RUFY1: variants seen among roughly 807,000 people sequenced by gnomAD.
The protein encoded by RUFY1 is RUN and FYVE domain containing 1, also known as RUN and FYVE domain-containing protein 1.
Under a neutral mutation model 94.6 loss-of-function variants are expected in RUFY1, and 54 were observed. The ratio of observed to expected loss-of-function variants is 0.57; its 90% CI spans 0.46 to 0.72. The LOEUF is 0.72. Ranked by LOEUF, RUFY1 falls within the 30% of genes least tolerant of loss-of-function variation. The pLI is 0.00. For missense variants in RUFY1, 883 were observed against 883.9 expected, an observed-to-expected ratio of 1.00 and a Z score of 0.01; for synonymous variants, 396 against 347.3, an observed-to-expected ratio of 1.14 and a Z score of -1.56.
intron 1 of RUFY1, among the ~76,000 whole-genome samples, chr5:179,555,284 G>A (rs1356381586): frequency 6.6e-6 from 1 of 152,124 alleles, no homozygotes; most frequent in East Asian, 1.9e-4. Context: ...ATACTGGCCT[G>A]GCAATTTATT....
rs143694823 is a variant in RUFY1, at chr5:179,609,866, C to T, written c.*347C>T. 160 of 193,382 alleles carry T rather than the reference C, an allele frequency of 8.3e-4. 2 individuals are homozygous for T. The highest frequency in any genetic ancestry group is 3.6e-3 in the African/African-American group (153 of 42,968). 12.0% of individuals were successfully genotyped at this position (193,382 alleles called of 1,614,324 possible). Reference sequence around the variant, plus strand: ...CTAGTGAGTAGTTTTCCTCTCCTACCTTCCTTCTAAAAACCTGATTCATGC... The same window carrying T: ...CTAGTGAGTAGTTTTCCTCTCCTACTTTCCTTCTAAAAACCTGATTCATGC... On this transcript the variant is annotated 3_prime_UTR_variant, in exon 18 of 18. Coordinates refer to ENST00000319449, the MANE Select transcript of RUFY1 (RefSeq NM_025158.5).
chr5:179,577,093 T>C lies in RUFY1; in HGVS notation c.847T>C (p.Ser283Pro). 6.2e-7 allele frequency: 1 copy of C among 1,602,796 alleles called. No individual in the cohort carries two copies. Among genetic ancestry groups the C allele is most frequent in the Non-Finnish European group, 8.5e-7 (1 of 1,171,196 alleles). The change falls in exon 6 of 18, where the codon TCC (serine) becomes CCC (proline). Residue 283 changes from serine (S) to proline (P), a missense_variant. Ser to Pro is a moderately conservative substitution (Grantham distance 74, BLOSUM62 -1). Coordinates refer to ENST00000319449, the MANE Select transcript of RUFY1 (RefSeq NM_025158.5). ...LDSQVGVIDF[S>P]LYLKDVQDLD... is the part of the protein sequence containing the mutation. Reference sequence around the variant, plus strand: ...CGTTTAGGTTGGAGTAATAGATTTTTCCCTCTACCTTAAGGATGTGCAGGA... The same window carrying C: ...CGTTTAGGTTGGAGTAATAGATTTTCCCCTCTACCTTAAGGATGTGCAGGA...
At chr5:179,582,384 C>G (rs1764232263) in intron 7 of RUFY1, among the ~76,000 whole-genome samples, 1 of 152,112 alleles carries the variant, frequency 6.6e-6, no homozygotes, top group South Asian at 2.1e-4. Context: ...CACCACTACA[C>G]CTGGCTAATT....
At chr5:179,602,072 G>A in intron 15 of RUFY1, 86 bp downstream of exon 15, 1 of 1,105,544 alleles carries the variant, frequency 9.0e-7, no homozygotes, top group Non-Finnish European at 1.4e-6. Context: ...ACCTCCTTTT[G>A]GCGAACGGAG....
intron 1 of RUFY1, among the ~76,000 whole-genome samples, chr5:179,554,406 T>C (rs893707179): frequency 1.3e-5 from 2 of 151,224 alleles, no homozygotes; most frequent in African/African-American, 4.9e-5. Flanking sequence ...CATGGTGGCG[T>C]AGGCGTGTAA....
Position 179,596,632 on chromosome 5 carries a change from G to A in RUFY1, c.1582G>A (p.Gly528Arg), listed in dbSNP as rs770901039. The A allele has an allele frequency of 1.6e-5, 25 of 1,612,112 alleles. No homozygotes were observed. The highest frequency in any genetic ancestry group is 8.4e-5 in the Admixed American group (5 of 59,740). The change falls in exon 13 of 18, where the codon GGG becomes AGG. Residue 528 changes from glycine (G) to arginine (R), a missense_variant. Transcript: ENST00000319449. ...CCACAAGCTGCAGCAGGAGCTGGGC[G>A]GGAGGATCGGCGCCCTGCAGCTGCA... ...RSHKLQQELG[G>R]RIGALQLQLS...
chr5:179,571,428 G>A (rs939180909), intron 5 of RUFY1, among the ~76,000 whole-genome samples: 1 of 151,172 alleles, frequency 6.6e-6, no homozygotes, highest in Admixed American at 6.6e-5. Flanking sequence ...GAGCCTGGGA[G>A]ATCAAGGCTG....
At chr5:179,566,030 C>T (rs1762807027) in intron 3 of RUFY1, among the ~76,000 whole-genome samples, 1 of 151,918 alleles carries the variant, frequency 6.6e-6, no homozygotes, top group Non-Finnish European at 1.5e-5. Flanking sequence ...GTCCCAGCTA[C>T]TCCGGAGGCT....
chr5:179,580,087 G>A lies in RUFY1; in HGVS notation c.891-860G>A, dbSNP rs147563065. On this transcript the variant is annotated intron_variant, in intron 6 of 17. Coordinates refer to ENST00000319449, the MANE Select transcript of RUFY1 (RefSeq NM_025158.5). ...CCACACTGTGGTATATTTTGCAGAC[G>A]TAAGAAAGAATAAAGTGTATCTACT... Among the ~76,000 whole-genome samples the A allele has an allele frequency of 9.1e-3, 1,387 of 152,058 alleles. 24 individuals are homozygous for A. Among genetic ancestry groups the A allele is most frequent in the African/African-American group, 0.03 (1,236 of 41,476 alleles).
intron 2 of RUFY1, among the ~76,000 whole-genome samples, chr5:179,561,336 G>A (rs1228314632): frequency 1.3e-5 from 2 of 152,062 alleles, no homozygotes; most frequent in Non-Finnish European, 2.9e-5. Flanking sequence ...CTGAGGGAGA[G>A]GAGGGGAGGA....
At chr5:179,560,691 A>C (rs182692240) in intron 2 of RUFY1, among the ~76,000 whole-genome samples, 5,191 of 144,500 alleles carry the variant, frequency 0.036, 146 homozygotes, top group Non-Finnish European at 0.059. Flanking sequence ...GCGCCACTGC[A>C]CTCCAGCTTG....
At chr5:179,607,300 A>T in intron 16 of RUFY1, 2 of 468,906 alleles carry the variant, frequency 4.3e-6, no homozygotes, top group Non-Finnish European at 7.7e-6. Context: ...TGAAAGTGGG[A>T]GTGTGCCTGA....
intron 14 of RUFY1, among the ~76,000 whole-genome samples, chr5:179,599,097 G>A (rs914503281): frequency 6.6e-6 from 1 of 152,236 alleles, no homozygotes; most frequent in African/African-American, 2.4e-5. Context: ...GGGAGGGAGC[G>A]ACCGGTGAGC....
chr5:179,567,734 T>A (rs1762936367), intron 4 of RUFY1, among the ~76,000 whole-genome samples, 172 bp downstream of exon 4: 1 of 151,810 alleles, frequency 6.6e-6, no homozygotes, highest in East Asian at 1.9e-4. Context: ...GTATTTTTAG[T>A]AGAGACTAAA....
intron 6 of RUFY1, among the ~76,000 whole-genome samples, chr5:179,580,245 A>ATATT (rs59300402): frequency 1.7e-4 from 14 of 81,682 alleles, no homozygotes; most frequent in Non-Finnish European, 3.2e-4. Flanking sequence ...GTGTGTGTAT[A>ATATT]TTTTTTTTTT....
At position 179,550,784 on chromosome 5, in the gene RUFY1, G is replaced by A. The variant is rs776261769; in HGVS notation, c.215G>A (p.Arg72Lys). The A allele has an allele frequency of 2.2e-6, 3 of 1,374,260 alleles. No homozygotes were observed. Among genetic ancestry groups the A allele is most frequent in the African/African-American group, 3.0e-5 (2 of 66,396 alleles). The allele number at this position is 1,374,260 out of a possible 1,614,324, so 85.1% of individuals were successfully genotyped here. A position where few individuals can be genotyped will look rare whatever the true frequency, so the allele number is the denominator to read the frequency against. Reference protein sequence around the residue: ...WSAPILTLARRATGNLSASCG... With the variant: ...WSAPILTLARKATGNLSASCG... ...GCGCCCATCCTGACCCTGGCACGCA[G>A]GGCCACCGGGAACCTGTCGGCGAGC... Residue 72 changes from arginine to lysine, a missense_variant, in exon 1 of 18, where the codon AGG (arginine) becomes AAG (lysine). Coordinates refer to ENST00000319449, the MANE Select transcript of RUFY1 (RefSeq NM_025158.5).
At chr5:179,592,640 T>C (rs2127556437) in intron 10 of RUFY1, among the ~76,000 whole-genome samples, 1 of 152,356 alleles carries the variant, frequency 6.6e-6, no homozygotes, top group South Asian at 2.1e-4. Flanking sequence ...CTCTGGCCTA[T>C]TTATTTCCAC....
chr5:179,609,068 A>C (rs1484300408), intron 17 of RUFY1, among the ~76,000 whole-genome samples: 1 of 151,618 alleles, frequency 6.6e-6, no homozygotes, highest in Non-Finnish European at 1.5e-5. Flanking sequence ...AAATACAAAA[A>C]ATTAGCCAGG....
rs376028685 is a variant in RUFY1, at chr5:179,609,367, G to C, written c.1984-9G>C. The C allele has an allele frequency of 2.5e-6, 4 of 1,612,472 alleles. No individual in the cohort carries two copies. The highest frequency in any genetic ancestry group is 3.4e-6 in the Non-Finnish European group (4 of 1,179,538). Reference sequence around the variant, plus strand: ...GGTGTCCTGTGACCGCCTTCTTCCCGTCCTGTAGCACCACTGCCGGAACTG... The same window carrying C: ...GGTGTCCTGTGACCGCCTTCTTCCCCTCCTGTAGCACCACTGCCGGAACTG... On this transcript the variant is annotated splice_polypyrimidine_tract_variant and intron_variant, in intron 17 of 17. Transcript: ENST00000319449.
Sources: allele counts gnomAD v4.1 joint callset (sites outside exome capture counted in the v4.1 genomes callset), GRCh38; gene constraint gnomAD v4.1.1; transcripts MANE v1.5; gene names NCBI Gene and HGNC (gene_info 2026-07-23, HGNC 2026-07-21).